Variants in ADGRL3 observed in about 807,000 individuals in gnomAD.
ADGRL3 encodes calcium-independent alpha-latrotoxin receptor 3.
A neutral mutation model predicts 153.5 loss-of-function variants in ADGRL3; 62 were observed. That is an observed-to-expected ratio of 0.40 (90% CI 0.33 to 0.50). The LOEUF (loss-of-function observed/expected upper bound fraction) is 0.50. ADGRL3 is among the 20% of genes least tolerant of loss of function. ADGRL3 has a pLI of 0.47. For missense variants in ADGRL3, 1,641 were observed against 1,859.4 expected, an observed-to-expected ratio of 0.88 and a Z score of 2.16; for synonymous variants, 710 against 672.5, an observed-to-expected ratio of 1.06 and a Z score of -0.86.
intron 5 of ADGRL3, among the ~76,000 whole-genome samples, chr4:61,667,000 C>T (rs2094823395): frequency 6.6e-6 from 1 of 152,128 alleles, no homozygotes; most frequent in African/African-American, 2.4e-5. Context: ...AAATGCTTTT[C>T]CAAGCAATGT....
chr4:61,961,995 G>A (rs2098989652), intron 17 of ADGRL3, among the ~76,000 whole-genome samples: 1 of 152,042 alleles, frequency 6.6e-6, no homozygotes, highest in South Asian at 2.1e-4. Flanking sequence ...TGTTGTGCAT[G>A]TGTGTATATT....
chr4:61,313,435 G>A (rs938050735), intron 1 of ADGRL3, among the ~76,000 whole-genome samples: 2 of 152,154 alleles, frequency 1.3e-5, no homozygotes, highest in African/African-American at 4.8e-5. Flanking sequence ...AGTAAAAAAT[G>A]TACCACAGGA....
intron 26 of ADGRL3, 92 bp from the exon 27 acceptor site, chr4:62,070,017 C>T (rs1460985300): frequency 3.0e-6 from 3 of 1,002,348 alleles, no homozygotes; most frequent in African/African-American, 3.2e-5. Context: ...ATACATATTT[C>T]ATAGTCAATG....
intron 21 of ADGRL3, among the ~76,000 whole-genome samples, chr4:62,000,594 A>G (rs2151090581): frequency 6.6e-6 from 1 of 152,262 alleles, no homozygotes; most frequent in East Asian, 1.9e-4. Flanking sequence ...TTTGGAAAGT[A>G]TTTAATCTTT....
At chr4:61,356,106 T>C (rs551836040) in intron 1 of ADGRL3, among the ~76,000 whole-genome samples, 1 of 152,196 alleles carries the variant, frequency 6.6e-6, no homozygotes, top group African/African-American at 2.4e-5. Context: ...TTCGTTTCTT[T>C]CATTTGTGAT....
chr4:62,068,108 C>T, intron 25 of ADGRL3, 58 bp from the exon 26 acceptor site: 2 of 1,207,272 alleles, frequency 1.7e-6, no homozygotes, highest in Non-Finnish European at 2.3e-6. Context: ...GTTTCTTCTA[C>T]TGTCGCTGTA....
intron 8 of ADGRL3, among the ~76,000 whole-genome samples, chr4:61,754,861 T>C (rs1278005384): frequency 2.0e-5 from 3 of 152,002 alleles, no homozygotes; most frequent in Admixed American, 1.3e-4. Flanking sequence ...TGAGTGAGAA[T>C]ATGCGGTGTT....
At chr4:61,603,372 T>C (rs1055938438) in intron 5 of ADGRL3, among the ~76,000 whole-genome samples, 2 of 152,126 alleles carry the variant, frequency 1.3e-5, no homozygotes, top group African/African-American at 2.4e-5. Context: ...TTGTTACCAA[T>C]GAGTTACACT....
chr4:61,871,147 G>A lies in ADGRL3; in HGVS notation c.1481-21509G>A, dbSNP rs1046814745. On this transcript the variant is annotated intron_variant, in intron 9 of 26. Coordinates refer to ENST00000683033, the MANE Select transcript of ADGRL3 (RefSeq NM_001387552.1). ...CAAAAAATTAGCCAGGTGTGGTGGC[G>A]AGTGCCTGCAGTCCCAACTACTCAG... Among the ~76,000 whole-genome samples the A allele has an allele frequency of 2.0e-4, 30 of 152,092 alleles. 1 individual carries two copies. Among genetic ancestry groups the A allele is most frequent in the Non-Finnish European group, 1.0e-4 (7 of 67,996 alleles).
chr4:61,648,338 A>G (rs2094118165), intron 5 of ADGRL3, among the ~76,000 whole-genome samples: 1 of 148,182 alleles, frequency 6.7e-6, no homozygotes. Context: ...AGAGTTAGGA[A>G]ATGAAATCGG....
chr4:61,250,310 T>C (rs1429627834), intron 1 of ADGRL3, among the ~76,000 whole-genome samples: 1 of 152,198 alleles, frequency 6.6e-6, no homozygotes, highest in African/African-American at 2.4e-5. Flanking sequence ...CAGCCTCAAG[T>C]GGGTTACAGG....
chr4:61,589,382 G>A (rs985907139), intron 5 of ADGRL3, among the ~76,000 whole-genome samples: 3 of 151,994 alleles, frequency 2.0e-5, no homozygotes, highest in Non-Finnish European at 4.4e-5. Context: ...GCACAATGTC[G>A]TGGCCATTTA....
chr4:62,062,298 G>A (rs1383578070), intron 25 of ADGRL3, among the ~76,000 whole-genome samples: 1 of 151,628 alleles, frequency 6.6e-6, no homozygotes, highest in African/African-American at 2.4e-5. Context: ...AGAGTTTGTT[G>A]TTGCTATTAG....
chr4:62,058,273 G>T (rs1158681332), intron 25 of ADGRL3, among the ~76,000 whole-genome samples: 1 of 151,538 alleles, frequency 6.6e-6, no homozygotes, highest in Non-Finnish European at 1.5e-5. Context: ...ATGATTGATT[G>T]TTTATTTCTG....
At chr4:61,825,060 C>G (rs1374744576) in intron 9 of ADGRL3, among the ~76,000 whole-genome samples, 1 of 152,162 alleles carries the variant, frequency 6.6e-6, no homozygotes, top group East Asian at 1.9e-4. Context: ...CCAAGAAGCA[C>G]TTTTCTCTTT....
At chr4:61,547,663 A>T (rs1241175804) in intron 4 of ADGRL3, among the ~76,000 whole-genome samples, 2 of 152,036 alleles carry the variant, frequency 1.3e-5, no homozygotes, top group East Asian at 3.9e-4. Flanking sequence ...ATTGATGGGT[A>T]TTTAGGTTGA....
At chr4:62,057,373 G>A (rs1393092798) in intron 25 of ADGRL3, among the ~76,000 whole-genome samples, 1 of 152,058 alleles carries the variant, frequency 6.6e-6, no homozygotes, top group Non-Finnish European at 1.5e-5. Context: ...TTAGAGAAGG[G>A]TGTGACTCAT....
intron 17 of ADGRL3, among the ~76,000 whole-genome samples, chr4:61,972,819 C>T (rs887482526): frequency 2.6e-5 from 4 of 151,952 alleles, no homozygotes; most frequent in African/African-American, 4.8e-5. Context: ...TTGTTTGTAT[C>T]GAAGAGGCAA....
At chr4:61,993,077 G>T (rs941929499) in intron 19 of ADGRL3, among the ~76,000 whole-genome samples, 1 of 151,642 alleles carries the variant, frequency 6.6e-6, no homozygotes, top group African/African-American at 2.4e-5. Context: ...ACAAAATAAT[G>T]AGAGCTGTAT....
Sources: gnomAD v4.1 joint callset for allele counts (sites outside exome capture counted in the v4.1 genomes callset) on GRCh38, gnomAD v4.1.1 for gene constraint, MANE v1.5 for transcripts, NCBI Gene and HGNC (gene_info 2026-07-23, HGNC 2026-07-21) for gene names.